COL28A1: variants seen among roughly 807,000 people sequenced by gnomAD.
COL28A1 encodes the protein collagen alpha-1(XXVIII) chain.
COL28A1 carries 161 observed loss-of-function variants against 150.2 expected under a neutral mutation model. That is an observed-to-expected ratio of 1.07 (90% CI 0.94 to 1.22). COL28A1 has a LOEUF of 1.22. Among genes scored for constraint, COL28A1 ranks in the 50% most tolerant of loss-of-function variants. The probability of loss-of-function intolerance (pLI) is 0.00; values close to 1 mark genes in which losing one functional copy is unlikely to be tolerated. For missense variants in COL28A1, 1,617 were observed against 1,388.3 expected, an observed-to-expected ratio of 1.16 and a Z score of -2.62; for synonymous variants, 552 against 469.7, an observed-to-expected ratio of 1.18 and a Z score of -2.26.
chr7:7,473,347 A>T (rs1226047752), intron 15 of COL28A1, among the ~76,000 whole-genome samples: 2 of 152,186 alleles, frequency 1.3e-5, no homozygotes. Context: ...TATCAAGAAA[A>T]AAACAAATAA....
At chr7:7,346,251 T>C in the COL28A1 span, among the ~76,000 whole-genome samples, 2 of 152,050 alleles carry the variant, frequency 1.3e-5, no homozygotes, top group African/African-American at 4.8e-5. Flanking sequence ...TCAGAGATCT[T>C]TTAAGAAATG....
chr7:7,374,038 A>AAAAAAAAAAAAAAAAAT, intron 31 of COL28A1, among the ~76,000 whole-genome samples: 6 of 113,658 alleles, frequency 5.3e-5, no homozygotes, highest in African/African-American at 2.3e-4. Context: ...AAAAAAAAAA[A>AAAAAAAAAAAAAAAAAT]ATATATATAT....
At chr7:7,531,314 T>G (rs1378589531) in intron 3 of COL28A1, 34 bp downstream of exon 3, 8 of 844,806 alleles carry the variant, frequency 9.5e-6, no homozygotes. Context: ...AATATTATGA[T>G]GATAACTGTA....
the COL28A1 span, among the ~76,000 whole-genome samples, chr7:7,343,568 G>A: frequency 0.035 from 5,254 of 152,162 alleles, 139 homozygotes; most frequent in Non-Finnish European, 0.054. Context: ...CTTCAAGTAC[G>A]TAGTTTATAT....
At chr7:7,447,934 G>T (rs1429742486) in intron 18 of COL28A1, among the ~76,000 whole-genome samples, 1 of 152,130 alleles carries the variant, frequency 6.6e-6, no homozygotes, top group Non-Finnish European at 1.5e-5. Flanking sequence ...CAGGAGTGGT[G>T]GTGCCGCCTG....
At chr7:7,526,614 C>A (rs539679270) in intron 3 of COL28A1, among the ~76,000 whole-genome samples, 2 of 152,142 alleles carry the variant, frequency 1.3e-5, no homozygotes, top group African/African-American at 4.8e-5. Context: ...ACTTTAAAAT[C>A]TTTTAACAAT....
At chr7:7,533,873 G>C (rs2115270044) in intron 1 of COL28A1, among the ~76,000 whole-genome samples, 1 of 152,248 alleles carries the variant, frequency 6.6e-6, no homozygotes, top group African/African-American at 2.4e-5. Context: ...ACTTAGTATG[G>C]CTTAAAAATG....
rs1341895896 is a variant in COL28A1 at position 7,380,800 on chromosome 7, A to C, written c.2268T>G (p.Pro756=). The change falls in exon 29 of 35, where the codon CCT becomes CCG. Residue 756 remains proline (P), a synonymous_variant. Transcript: ENST00000399429. Reference sequence around the variant, plus strand: ...TACTTGCCTGTTTTCCTGGAGATCCAGGCTCTCCAATTTCTCCTTTATCAC... The same window carrying C: ...TACTTGCCTGTTTTCCTGGAGATCCCGGCTCTCCAATTTCTCCTTTATCAC... ...KKGDKGEIGE[P]GSPGKQGLQG... 1 of 1,613,640 alleles carries C rather than the reference A, an allele frequency of 6.2e-7. No homozygotes were observed. Among genetic ancestry groups the C allele is most frequent in the Middle Eastern group, 1.7e-4 (1 of 6,060 alleles).
intron 30 of COL28A1, among the ~76,000 whole-genome samples, chr7:7,378,199 G>A (rs35627768): frequency 0.089 from 13,493 of 152,210 alleles, 1,099 homozygotes; most frequent in African/African-American, 0.21. Context: ...GGGACTAAAA[G>A]TAAGATTGCC....
At chr7:7,453,609 C>T in intron 16 of COL28A1, 101 bp from the exon 17 acceptor site, 3 of 699,370 alleles carry the variant, frequency 4.3e-6, no homozygotes, top group Admixed American at 2.8e-5. Context: ...GTTACTTACA[C>T]TCAATAAGCA....
rs954974760 is a variant in COL28A1, at chr7:7,532,736, A to G, written c.124+16T>C. Reference sequence around the variant, plus strand: ...AACAGGCTAAACTTAAAAACAAACAATTTTTTTTTTTTTACCCTGGACATC... The same window carrying G: ...AACAGGCTAAACTTAAAAACAAACAGTTTTTTTTTTTTTACCCTGGACATC... On this transcript the variant is annotated intron_variant, in intron 2 of 34. Transcript: ENST00000399429. 18 of 1,234,126 alleles carry G rather than the reference A, an allele frequency of 1.5e-5. No homozygotes were observed. The highest frequency in any genetic ancestry group is 1.4e-4 in the East Asian group (5 of 35,392). The allele number at this position is 1,234,126 out of a possible 1,614,324, so 76.4% of individuals were successfully genotyped here.
At chr7:7,423,740 G>A (rs1338409287) in intron 25 of COL28A1, among the ~76,000 whole-genome samples, 2 of 152,120 alleles carry the variant, frequency 1.3e-5, no homozygotes, top group African/African-American at 4.8e-5. Flanking sequence ...GGGAAAGCAA[G>A]CGGGAAAAGC....
At chr7:7,502,040 G>A (rs571002036) in intron 11 of COL28A1, among the ~76,000 whole-genome samples, 3 of 152,190 alleles carry the variant, frequency 2.0e-5, no homozygotes, top group African/African-American at 7.2e-5. Flanking sequence ...GATCACAGGC[G>A]CCCGCCACCA....
rs933016588 is a variant in COL28A1, at chr7:7,465,495, G to T, written c.1302+9106C>A. 1.0e-4 allele frequency among the ~76,000 whole-genome samples: 14 copies of T among 139,332 alleles called. 1 individual carries two copies. Among genetic ancestry groups the T allele is most frequent in the African/African-American group, 3.8e-4 (14 of 37,016 alleles). The allele number at this position is 139,332 out of a possible 152,430, so 91.4% of individuals were successfully genotyped here. On this transcript the variant is annotated intron_variant, in intron 15 of 34. Coordinates refer to ENST00000399429, the MANE Select transcript of COL28A1 (RefSeq NM_001037763.3). ...GCTGATTGCTAGCACAGCAGTCTGA[G>T]ATCAAACTGCAAGGCGGCAACGAGG...
chr7:7,504,153 C>A (rs117740064), intron 11 of COL28A1, among the ~76,000 whole-genome samples: 7 of 152,062 alleles, frequency 4.6e-5, no homozygotes, highest in Non-Finnish European at 8.8e-5. Context: ...AAATTAAAGG[C>A]CAAATTTTAT....
intron 13 of COL28A1, among the ~76,000 whole-genome samples, chr7:7,480,664 C>T (rs530473833): frequency 1.3e-5 from 2 of 152,194 alleles, no homozygotes; most frequent in East Asian, 3.9e-4. Flanking sequence ...TTTTCCAGTT[C>T]ACTCAACTTT....
At chr7:7,460,479 T>C (rs1345924855) in intron 15 of COL28A1, among the ~76,000 whole-genome samples, 1 of 152,070 alleles carries the variant, frequency 6.6e-6, no homozygotes, top group Non-Finnish European at 1.5e-5. Context: ...CCTCCTGGGT[T>C]CACCCACCAT....
At chr7:7,354,197 T>C (rs1780297077), downstream of COL28A1, among the ~76,000 whole-genome samples, 2 of 152,078 alleles carry the variant, frequency 1.3e-5, no homozygotes, top group African/African-American at 4.8e-5. Context: ...TTTTCCCATG[T>C]TGCCCAGGCT....
At chr7:7,422,706 CCCTA>C (rs1784441761) in intron 25 of COL28A1, among the ~76,000 whole-genome samples, 1 of 151,996 alleles carries the variant, frequency 6.6e-6, no homozygotes, top group African/African-American at 2.4e-5. Flanking sequence ...GAATACACCA[CCCTA>C]CCTATCAATA....
Sources: gnomAD v4.1 joint callset for allele counts (sites outside exome capture counted in the v4.1 genomes callset) on GRCh38, gnomAD v4.1.1 for gene constraint, MANE v1.5 for transcripts, NCBI Gene and HGNC (gene_info 2026-07-23, HGNC 2026-07-21) for gene names.